The following BCL2L1 variants were observed in gnomAD, a reference collection of about 807,000 sequenced individuals.
The protein encoded by BCL2L1 is BCL2 like 1, also known as bcl-2-like protein 1.
A neutral mutation model predicts 18.7 loss-of-function variants in BCL2L1; 1 was observed. The observed-to-expected ratio is 0.05, with a 90% confidence interval of 0.02 to 0.25. The LOEUF is 0.25. BCL2L1 is among the 10% of genes least tolerant of loss of function. The pLI is 1.00. For missense variants in BCL2L1, 207 were observed against 304.9 expected (o/e 0.68, Z 2.39); for synonymous variants, 103 against 122.7 (o/e 0.84, Z 1.06).
chr20:31,698,147 CA>C (rs757423145), intron 2 of BCL2L1, among the ~76,000 whole-genome samples: 96 of 151,992 alleles, frequency 6.3e-4, no homozygotes, highest in Non-Finnish European at 1.3e-3. Context: ...CTCGGCCTCC[CA>C]AAGTGCTGGG....
chr20:31,690,942 CATTT>C, intron 2 of BCL2L1, among the ~76,000 whole-genome samples: 1 of 151,462 alleles, frequency 6.6e-6, no homozygotes, highest in South Asian at 2.1e-4. Context: ...TGAGGTCAGG[CATTT>C]GAGACCAGCC....
At chr20:31,689,247 AAGGGAAAGGG>A (rs763502907) in intron 2 of BCL2L1, among the ~76,000 whole-genome samples, 1 of 102,850 alleles carries the variant, frequency 9.7e-6, no homozygotes, top group African/African-American at 3.8e-5. Flanking sequence ...AAGAAAGGGG[AAGGGAAAGGG>A]AGGGAAGGGG....
At chr20:31,709,732 G>A (rs901665554) in intron 2 of BCL2L1, among the ~76,000 whole-genome samples, 3 of 151,250 alleles carry the variant, frequency 2.0e-5, no homozygotes, top group African/African-American at 7.3e-5. Context: ...CTACCCGGGA[G>A]GCTGAGGCAG....
At chr20:31,713,641 G>C in intron 2 of BCL2L1, 1 of 961,352 alleles carries the variant, frequency 1.0e-6, no homozygotes, top group Non-Finnish European at 1.2e-6. Context: ...CGGTCCCAAA[G>C]GCAGTTTCTT....
intron 2 of BCL2L1, among the ~76,000 whole-genome samples, chr20:31,687,920 G>A (rs1372023081): frequency 3.9e-5 from 6 of 152,096 alleles, no homozygotes; most frequent in Admixed American, 3.9e-4. Context: ...GGCATCAGAG[G>A]ATTGAAACCT....
intron 2 of BCL2L1, among the ~76,000 whole-genome samples, chr20:31,718,114 A>G (rs2122835860): frequency 6.6e-6 from 1 of 152,354 alleles, no homozygotes; most frequent in South Asian, 2.1e-4. Context: ...TACTCGAGTC[A>G]AGCTATGGCA....
rs185054842 is a variant in BCL2L1 at position 31,685,555 on chromosome 20, T to C, written c.565-19469A>G. 1.4e-3 allele frequency among the ~76,000 whole-genome samples: 219 copies of C among 152,330 alleles called. 2 individuals carry two copies. The highest frequency in any genetic ancestry group is 2.0e-3 in the Non-Finnish European group (133 of 68,034). On this transcript the variant is annotated intron_variant, in intron 2 of 2. Coordinates refer to ENST00000307677, the MANE Select transcript of BCL2L1 (RefSeq NM_138578.3). ...AAGGCAATTTGAAAGTTCCACATGG[T>C]CAGGTTCAAGAAACGTGAGCTTACT... is the stretch of plus-strand genomic sequence containing the variant.
intron 2 of BCL2L1, among the ~76,000 whole-genome samples, chr20:31,705,759 A>G (rs1352873740): frequency 1.3e-5 from 2 of 152,174 alleles, no homozygotes. Context: ...ACTAATATGG[A>G]ACCTACACTA....
At position 31,696,883 on chromosome 20, in the gene BCL2L1, C is replaced by CTT. The variant is rs200204697; in HGVS notation, c.564+24771_564+24772insAA. On this transcript the variant is annotated intron_variant, in intron 2 of 2. Coordinates refer to ENST00000307677, the MANE Select transcript of BCL2L1 (RefSeq NM_138578.3). ...CGAGCCTGGCCAACGTGGTCAAACT[C>CTT]TGTCTCTACCAAAAATACAAAAATT... Among the ~76,000 whole-genome samples, 440 of 152,154 alleles carry CTT rather than the reference C, an allele frequency of 2.9e-3. 1 individual carries two copies. Among genetic ancestry groups the CTT allele is most frequent in the African/African-American group, 6.6e-3 (276 of 41,512 alleles).
At position 31,664,666 on chromosome 20, in the gene BCL2L1, G is replaced by A. The variant is rs922902117; in HGVS notation, c.*1283C>T. ...GGGCACCAGCTCTCCACGTGCACGC[G>A]CACTGCAAGCCAGCAGCTCCTCACA... On this transcript the variant is annotated 3_prime_UTR_variant, in exon 3 of 3. Coordinates refer to ENST00000307677, the MANE Select transcript of BCL2L1 (RefSeq NM_138578.3). The A allele has an allele frequency of 3.3e-5, 7 of 214,676 alleles. No individual in the cohort carries two copies. Among genetic ancestry groups the A allele is most frequent in the African/African-American group, 1.4e-4 (6 of 44,176 alleles). The allele number at this position is 214,676 out of a possible 1,614,324, so 13.3% of individuals were successfully genotyped here. A position where few individuals can be genotyped will look rare whatever the true frequency, so the allele number is the denominator to read the frequency against.
At chr20:31,699,313 C>T (rs1276380255) in intron 2 of BCL2L1, among the ~76,000 whole-genome samples, 1 of 152,360 alleles carries the variant, frequency 6.6e-6, no homozygotes, top group East Asian at 1.9e-4. Context: ...GGGGTAATGA[C>T]TTTCAGTTCC....
At chr20:31,670,767 T>C (rs1401362327) in intron 2 of BCL2L1, among the ~76,000 whole-genome samples, 1 of 152,198 alleles carries the variant, frequency 6.6e-6, no homozygotes, top group Non-Finnish European at 1.5e-5. Context: ...TGGGGCGTGC[T>C]GTTCCAGGGC....
chr20:31,671,926 ATATAT>A (rs1473073707), intron 2 of BCL2L1, among the ~76,000 whole-genome samples: 3 of 147,280 alleles, frequency 2.0e-5, no homozygotes, highest in African/African-American at 7.4e-5. Flanking sequence ...TACATATACT[ATATAT>A]TATATATTAT....
At chr20:31,714,707 T>G (rs1365713474) in intron 2 of BCL2L1, among the ~76,000 whole-genome samples, 1 of 152,198 alleles carries the variant, frequency 6.6e-6, no homozygotes, top group Non-Finnish European at 1.5e-5. Flanking sequence ...GAAATACTGT[T>G]GGAGTGGAAG....
At chr20:31,698,020 T>A (rs2061211091) in intron 2 of BCL2L1, among the ~76,000 whole-genome samples, 1 of 151,796 alleles carries the variant, frequency 6.6e-6, no homozygotes, top group African/African-American at 2.4e-5. Context: ...CCTGAGTAAC[T>A]GGGATGATAG....
intron 2 of BCL2L1, 63 bp downstream of exon 2, chr20:31,721,592 G>A (rs2122869747): frequency 2.0e-6 from 3 of 1,503,058 alleles, no homozygotes; most frequent in Non-Finnish European, 2.7e-6. Context: ...ACAGAAGAAG[G>A]GCTGTTGGGG....
chr20:31,712,717 G>A (rs1259559982), intron 2 of BCL2L1, among the ~76,000 whole-genome samples: 3 of 152,170 alleles, frequency 2.0e-5, no homozygotes, highest in Non-Finnish European at 4.4e-5. Context: ...CAGGCTCCTT[G>A]GAAGGGACAC....
intron 2 of BCL2L1, among the ~76,000 whole-genome samples, chr20:31,668,882 G>A (rs6058317): frequency 0.37 from 55,933 of 151,606 alleles, 12,410 homozygotes; most frequent in African/African-American, 0.61. Flanking sequence ...TGGGATTACA[G>A]GCATGAGCCA....
At position 31,668,275 on chromosome 20, in the gene BCL2L1, C is replaced by T. The variant is rs569520988; in HGVS notation, c.565-2189G>A. On this transcript the variant is annotated intron_variant, in intron 2 of 2. Coordinates refer to ENST00000307677, the MANE Select transcript of BCL2L1 (RefSeq NM_138578.3). ...GCCTTGTCTAAAACAGTACACCACC[C>T]CCGTCTCTCTCTGCCTGTCCCCTTA... is the stretch of plus-strand genomic sequence containing the variant. 1.2e-4 allele frequency among the ~76,000 whole-genome samples: 18 copies of T among 152,146 alleles called. No individual in the cohort carries two copies. In the South Asian group the frequency reaches 3.7e-3, roughly 32 times the overall value.
Sources: allele counts gnomAD v4.1 joint callset (sites outside exome capture counted in the v4.1 genomes callset), GRCh38; gene constraint gnomAD v4.1.1; transcripts MANE v1.5; gene names NCBI Gene and HGNC (gene_info 2026-07-23, HGNC 2026-07-21).